PCDHGB4: variants seen among roughly 807,000 people sequenced by gnomAD.
The protein encoded by PCDHGB4 is protocadherin gamma-B4.
Under a neutral mutation model 60.5 loss-of-function variants are expected in PCDHGB4, and 38 were observed. That is an observed-to-expected ratio of 0.63 (90% confidence interval 0.48 to 0.82). The LOEUF (loss-of-function observed/expected upper bound fraction) is 0.82. Among genes scored for constraint, PCDHGB4 ranks in the 40% least tolerant of loss-of-function variants. The pLI is 0.00. For missense variants in PCDHGB4, 1,109 were observed against 1,209.6 expected (o/e 0.92, Z 1.23); for synonymous variants, 456 against 509.7 (o/e 0.89, Z 1.42).
In PCDHGB4 at chr5:141,489,705, C is replaced by G; in HGVS notation, c.2398-5102C>G. The G allele has an allele frequency of 6.2e-7, 1 of 1,614,022 alleles. No homozygotes were observed. The highest frequency in any genetic ancestry group is 1.1e-5 in the South Asian group (1 of 91,074). ...CATCTGGGGCACGATTCCCACTGGA[C>G]AGTGCCCAGGATCCGGATGTGGGCA... On this transcript the variant is annotated intron_variant, in intron 1 of 3. Coordinates refer to ENST00000519479, the MANE Select transcript of PCDHGB4 (RefSeq NM_003736.4). The surrounding 1 kb of genome is among the most constrained non-coding windows in gnomAD (Gnocchi z 4.5).
intron 1 of PCDHGB4, chr5:141,478,355 G>A: frequency 6.2e-7 from 1 of 1,613,742 alleles, no homozygotes; most frequent in Non-Finnish European, 8.5e-7. Context: ...CGCGGACGCC[G>A]TGCGGGGAGG....
At chr5:141,409,700 G>C (rs1561722120) in intron 1 of PCDHGB4, 4 of 1,613,280 alleles carry the variant, frequency 2.5e-6, no homozygotes, top group Non-Finnish European at 3.4e-6. Context: ...AGAGCCCCTG[G>C]CGGTGTCGTC....
chr5:141,439,363 A>G (rs922889903), intron 1 of PCDHGB4, among the ~76,000 whole-genome samples: 2 of 152,208 alleles, frequency 1.3e-5, no homozygotes, highest in African/African-American at 2.4e-5. Context: ...TCAAACATCA[A>G]GAAGAAATAA....
At position 141,418,573 on chromosome 5, in the gene PCDHGB4, C is replaced by A. The variant is rs749104686; in HGVS notation, c.2397+28292C>A. 5.0e-6 allele frequency: 8 copies of A among 1,613,826 alleles called. No individual in the cohort carries two copies. The South Asian group carries it at 5.5e-5, about 11-fold the overall frequency. Reference sequence around the variant, plus strand: ...TCCTGGTAATAGATGCCAATGACAACCCCCCAGTGTTCAGCCAGGACGTGT... The same window carrying A: ...TCCTGGTAATAGATGCCAATGACAAACCCCCAGTGTTCAGCCAGGACGTGT... On this transcript the variant is annotated intron_variant, in intron 1 of 3. Transcript: ENST00000519479.
intron 1 of PCDHGB4, chr5:141,478,712 G>A (rs1160573848): frequency 3.2e-6 from 5 of 1,547,048 alleles, no homozygotes; most frequent in Non-Finnish European, 4.4e-6. Flanking sequence ...TTTGTGAGAT[G>A]GTGGCCTGCC....
intron 1 of PCDHGB4, chr5:141,427,312 C>T (rs1438759401): frequency 4.4e-6 from 2 of 456,954 alleles, no homozygotes; most frequent in East Asian, 6.9e-5. Context: ...GACAATGCCC[C>T]AGACGTGGTT....
chr5:141,417,528 A>G, intron 1 of PCDHGB4: 1 of 277,368 alleles, frequency 3.6e-6, no homozygotes, highest in Non-Finnish European at 6.7e-6. Context: ...GTCAACTCGT[A>G]GTTTAAAAAA....
chr5:141,399,012 A>G (rs767195686), intron 1 of PCDHGB4: 7 of 1,613,946 alleles, frequency 4.3e-6, no homozygotes, highest in Admixed American at 3.3e-5. Context: ...CAAAGAGCGG[A>G]GAAATTACCA....
chr5:141,506,847 T>C lies in PCDHGB4; in HGVS notation c.2545+1366T>C, dbSNP rs146737657. ...GAACTGATAGCCCTGCCCTCCAGCA[T>C]GTCTGGAGGACTGGTGGGTAGAGAA... On this transcript the variant is annotated intron_variant, in intron 3 of 3. Coordinates refer to ENST00000519479, the MANE Select transcript of PCDHGB4 (RefSeq NM_003736.4). 3.7e-3 allele frequency among the ~76,000 whole-genome samples: 564 copies of C among 152,318 alleles called. 5 individuals are homozygous for C. Among genetic ancestry groups the C allele is most frequent in the Admixed American group, 0.011 (164 of 15,302 alleles).
At chr5:141,395,034 G>A (rs772873954) in intron 1 of PCDHGB4, 21 of 1,614,032 alleles carry the variant, frequency 1.3e-5, no homozygotes, top group African/African-American at 5.3e-5. Context: ...CTCACATTTT[G>A]TGGGTGTTGA....
intron 1 of PCDHGB4, chr5:141,400,135 G>A (rs773410293): frequency 6.2e-7 from 1 of 1,614,074 alleles, no homozygotes; most frequent in Non-Finnish European, 8.5e-7. Flanking sequence ...GGTGCTGCCG[G>A]ATATCACTGA....
Position 141,485,718 on chromosome 5 carries a change from T to A in PCDHGB4, c.2398-9089T>A, listed in dbSNP as rs562192762. ...TCCAATGAACACTTTGCACTGGATG[T>A]GAAGAAGCGCAGCGACGGCAGCCTG... On this transcript the variant is annotated intron_variant, in intron 1 of 3. Coordinates refer to ENST00000519479, the MANE Select transcript of PCDHGB4 (RefSeq NM_003736.4). The surrounding 1 kb of genome is among the most constrained non-coding windows in gnomAD (Gnocchi z 5.7). 1 of 1,614,058 alleles carries A rather than the reference T, an allele frequency of 6.2e-7. No homozygotes were observed. The highest frequency in any genetic ancestry group is 2.2e-5 in the East Asian group (1 of 44,866).
chr5:141,488,222 G>A (rs1351438124), intron 1 of PCDHGB4, among the ~76,000 whole-genome samples: 1 of 152,104 alleles, frequency 6.6e-6, no homozygotes, highest in Admixed American at 6.5e-5. Flanking sequence ...TCCCTACTGG[G>A]GATTTGAACT....
In PCDHGB4 at chr5:141,409,272, T is replaced by G. The variant is rs2095250021; in HGVS notation, c.2397+18991T>G. ...ATCACTTCTCTCTCTGATCAGATTT[T>G]GGAGAATTCACCTCCAGGAATGGTT... On this transcript the variant is annotated intron_variant, in intron 1 of 3. Coordinates refer to ENST00000519479, the MANE Select transcript of PCDHGB4 (RefSeq NM_003736.4). 5 of 1,614,042 alleles carry G rather than the reference T, an allele frequency of 3.1e-6. No individual in the cohort carries two copies. In the South Asian group the frequency reaches 4.4e-5, roughly 14 times the overall value.
At chr5:141,505,345 G>C (rs776607130) in intron 2 of PCDHGB4, 48 bp from the exon 3 acceptor site, 3 of 1,613,086 alleles carry the variant, frequency 1.9e-6, no homozygotes, top group Non-Finnish European at 2.5e-6. Flanking sequence ...AGGGGCATGA[G>C]CTGTGCCGGC....
intron 1 of PCDHGB4, chr5:141,409,190 C>T (rs868189970): frequency 6.2e-7 from 1 of 1,613,986 alleles, no homozygotes; most frequent in Non-Finnish European, 8.5e-7. Context: ...TCTCTCTACC[C>T]AGTGTAAAGT....
intron 1 of PCDHGB4, chr5:141,408,288 T>C (rs755091342): frequency 6.2e-7 from 1 of 1,613,234 alleles, no homozygotes; most frequent in Non-Finnish European, 8.5e-7. Context: ...TACCCCACCC[T>C]GAGTGAGCCG....
At chr5:141,478,832 G>A in intron 1 of PCDHGB4, 1 of 1,435,464 alleles carries the variant, frequency 7.0e-7, no homozygotes, top group South Asian at 1.5e-5. Context: ...TCTTGCTAAG[G>A]GATGGTTAAG....
intron 1 of PCDHGB4, chr5:141,441,697 C>T: frequency 6.5e-6 from 2 of 307,306 alleles, no homozygotes; most frequent in Non-Finnish European, 1.3e-5. Flanking sequence ...CAGCCGCGAG[C>T]CTTCAAGCTC....
Sources: gnomAD v4.1 joint callset for allele counts (sites outside exome capture counted in the v4.1 genomes callset) on GRCh38, gnomAD v4.1.1 for gene constraint, Gnocchi (gnomAD v3.1) non-coding constraint, MANE v1.5 for transcripts, NCBI Gene and HGNC (gene_info 2026-07-23, HGNC 2026-07-21) for gene names.